H2AC21: variants seen among roughly 807,000 people sequenced by gnomAD.
The protein encoded by H2AC21 is H2A clustered histone 21.
Under a neutral mutation model 7.7 loss-of-function variants are expected in H2AC21, and 3 were observed. The observed-to-expected ratio is 0.39, with a 90% confidence interval of 0.18 to 1.01. The LOEUF (loss-of-function observed/expected upper bound fraction) is 1.01. Among genes scored for constraint, H2AC21 ranks in the 50% least tolerant of loss-of-function variants. The pLI is 0.36. For missense variants in H2AC21, 173 were observed against 177.9 expected (o/e 0.97, Z 0.16); for synonymous variants, 119 against 84.2 (o/e 1.41, Z -2.26).
rs782503721 is a variant in H2AC21, at chr1:149,887,517, C to G, written c.*7G>C. ...GGGGTGAATGAGTATGGTGTCAAGC[C>G]TCTTAATTACTTGTTCTTGCCAGGC... On this transcript the variant is annotated 3_prime_UTR_variant, in exon 1 of 1. Transcript: ENST00000331128. 1 of 1,607,072 alleles carries G rather than the reference C, an allele frequency of 6.2e-7. No individual in the cohort carries two copies. Among genetic ancestry groups the G allele is most frequent in the Non-Finnish European group, 8.5e-7 (1 of 1,175,968 alleles).
In H2AC21 at chr1:149,887,495, G is replaced by T; in HGVS notation, c.*29C>A. ...GGTGGCTCTTAAAAGAGCCTTTGGG[G>T]TGAATGAGTATGGTGTCAAGCCTCT... On this transcript the variant is annotated 3_prime_UTR_variant, in exon 1 of 1. Coordinates refer to ENST00000331128, the MANE Select transcript of H2AC21 (RefSeq NM_175065.3). 2 of 1,588,640 alleles carry T rather than the reference G, an allele frequency of 1.3e-6. No individual in the cohort carries two copies. The highest frequency in any genetic ancestry group is 2.3e-5 in the South Asian group (2 of 87,658).
rs782339698 is a variant in H2AC21 at position 149,887,739 on chromosome 1, TCAGGTACTCGAGGACCGCCGC to T, written c.157_177del (p.Ala53_Leu59del). On this transcript the variant is annotated inframe_deletion, in exon 1 of 1. Coordinates refer to ENST00000331128, the MANE Select transcript of H2AC21 (RefSeq NM_175065.3). ...CCCGCCAGCTCCAGAATTTCCGCGG[TCAGGTACTCGAGGACCGCCGC>T]CAGGTACACCGGGGCGCCTGCCCCG... 1.4e-5 allele frequency: 23 copies of T among 1,614,176 alleles called. No individual in the cohort carries two copies. Among genetic ancestry groups the T allele is most frequent in the African/African-American group, 4.0e-5 (3 of 75,038 alleles).
In H2AC21 at chr1:149,887,927, A is replaced by T. The variant is rs180935690; in HGVS notation, c.-11T>A. On this transcript the variant is annotated 5_prime_UTR_variant, in exon 1 of 1. Coordinates refer to ENST00000331128, the MANE Select transcript of H2AC21 (RefSeq NM_175065.3). ...TCCGCGTCCTGACATTACGGCTAAAATTGCAGTTACAGCTTCTTTTACAAG... is the reference window on the plus strand; with the variant it reads ...TCCGCGTCCTGACATTACGGCTAAATTTGCAGTTACAGCTTCTTTTACAAG... The T allele has an allele frequency of 3.1e-6, 5 of 1,604,712 alleles. No homozygotes were observed. The Admixed American group carries it at 8.6e-5, about 28-fold the overall frequency.
Position 149,887,870 on chromosome 1 carries a change from T to A in H2AC21, c.47A>T (p.Lys16Met). The stretch of plus-strand genomic sequence containing the variant: ...GAGACCAGCGCGGGACGAGCGCGAC[T>A]TGGCCTTAGCGCGGGCCTTGCCTCC... ...KQGGKARAKA[K>M]SRSSRAGLQF... is the part of the protein sequence containing the mutation. The change falls in exon 1 of 1, where the codon AAG becomes ATG. Residue 16 changes from lysine to methionine, a missense_variant. Physicochemically the swap from Lys to Met is moderately conservative, Grantham distance 95. Coordinates refer to ENST00000331128, the MANE Select transcript of H2AC21 (RefSeq NM_175065.3). The A allele has an allele frequency of 6.2e-7, 1 of 1,613,886 alleles. No individual in the cohort carries two copies. The highest frequency in any genetic ancestry group is 1.1e-5 in the South Asian group (1 of 91,032).
At position 149,887,693 on chromosome 1, in the gene H2AC21, T is replaced by C. The variant is rs782165200; in HGVS notation, c.224A>G (p.Lys75Arg). 2.0e-5 allele frequency: 33 copies of C among 1,613,918 alleles called. No homozygotes were observed. Among genetic ancestry groups the C allele is most frequent in the Non-Finnish European group, 1.7e-6 (2 of 1,179,914 alleles). Residue 75 changes from lysine to arginine, a missense_variant, in exon 1 of 1, where the codon AAG becomes AGG. Transcript: ENST00000331128. Reference protein sequence around the residue: ...ELAGNAARDNKKTRIIPRHLQ... With the variant: ...ELAGNAARDNRKTRIIPRHLQ... ...ATGGCGAGGGATGATGCGCGTCTTCTTGTTGTCCCGAGCCGCGTTGCCCGC... is the reference window on the plus strand; with the variant it reads ...ATGGCGAGGGATGATGCGCGTCTTCCTGTTGTCCCGAGCCGCGTTGCCCGC...
At position 149,887,470 on chromosome 1, in the gene H2AC21, G is replaced by T; in HGVS notation, c.*54C>A. The stretch of plus-strand genomic sequence containing the variant: ...TGATCAGCCCTTCATTTGACACTTT[G>T]GTGGCTCTTAAAAGAGCCTTTGGGG... On this transcript the variant is annotated 3_prime_UTR_variant, in exon 1 of 1. Coordinates refer to ENST00000331128, the MANE Select transcript of H2AC21 (RefSeq NM_175065.3). 6.4e-7 allele frequency: 1 copy of T among 1,564,784 alleles called. No individual in the cohort carries two copies. Among genetic ancestry groups the T allele is most frequent in the South Asian group, 1.2e-5 (1 of 82,956 alleles).
Position 149,887,512 on chromosome 1 carries a change from C to G in H2AC21, c.*12G>C, listed in dbSNP as rs371300753. The G allele has an allele frequency of 4.7e-5, 76 of 1,604,842 alleles. No individual in the cohort carries two copies. The African/African-American group carries it at 9.6e-4, about 20-fold the overall frequency. ...CCTTTGGGGTGAATGAGTATGGTGT[C>G]AAGCCTCTTAATTACTTGTTCTTGC... On this transcript the variant is annotated 3_prime_UTR_variant, in exon 1 of 1. Transcript: ENST00000331128.
In H2AC21 at chr1:149,887,761, C is replaced by A; in HGVS notation, c.156G>T (p.Leu52=). The change falls in exon 1 of 1, where the codon CTG becomes CTT. Residue 52 remains leucine, a synonymous_variant. Coordinates refer to ENST00000331128, the MANE Select transcript of H2AC21 (RefSeq NM_175065.3). ...ERVGAGAPVY[L]AAVLEYLTAE... ...CGGTCAGGTACTCGAGGACCGCCGC[C>A]AGGTACACCGGGGCGCCTGCCCCGA... The A allele has an allele frequency of 2.5e-6, 4 of 1,614,198 alleles. No homozygotes were observed. Among genetic ancestry groups the A allele is most frequent in the Non-Finnish European group, 3.4e-6 (4 of 1,180,024 alleles).
At position 149,887,617 on chromosome 1, in the gene H2AC21, A is replaced by C; in HGVS notation, c.300T>G (p.Gly100=). 1 of 1,614,108 alleles carries C rather than the reference A, an allele frequency of 6.2e-7. No individual in the cohort carries two copies. The highest frequency in any genetic ancestry group is 8.5e-7 in the Non-Finnish European group (1 of 1,180,020). Residue 100 remains glycine (G), a synonymous_variant, in exon 1 of 1, where the codon GGT becomes GGG. Coordinates refer to ENST00000331128, the MANE Select transcript of H2AC21 (RefSeq NM_175065.3). The part of the protein sequence containing the change: ...NDEELNKLLG[G]VTIAQGGVLP... ...AGACGCCGCCCTGGGCAATGGTGAC[A>C]CCCCCGAGTAACTTGTTGAGCTCTT...
At position 149,887,883 on chromosome 1, in the gene H2AC21, G is replaced by T; in HGVS notation, c.34C>A (p.Arg12Ser). 1 of 1,613,418 alleles carries T rather than the reference G, an allele frequency of 6.2e-7. No homozygotes were observed. The highest frequency in any genetic ancestry group is 8.5e-7 in the Non-Finnish European group (1 of 1,179,626). ...GACGAGCGCGACTTGGCCTTAGCGC[G>T]GGCCTTGCCTCCCTGCTTTCCGCGT... ...SGRGKQGGKA[R>S]AKAKSRSSRA... Residue 12 changes from arginine to serine, a missense_variant, in exon 1 of 1, where the codon CGC (arginine) becomes AGC (serine). By Grantham distance (110) the Arg-to-Ser change is moderately radical. Coordinates refer to ENST00000331128, the MANE Select transcript of H2AC21 (RefSeq NM_175065.3).
In H2AC21 at chr1:149,887,532, TCTTGC is replaced by T. The variant is rs782054066; in HGVS notation, c.380_384del (p.Gly127GlufsTer?). 2 of 1,611,468 alleles carry T rather than the reference TCTTGC, an allele frequency of 1.2e-6. No homozygotes were observed. The highest frequency in any genetic ancestry group is 8.5e-7 in the Non-Finnish European group (1 of 1,178,400). On this transcript the variant is annotated frameshift_variant, in exon 1 of 1. Coordinates refer to ENST00000331128, the MANE Select transcript of H2AC21 (RefSeq NM_175065.3). LOFTEE classifies it high-confidence loss of function. ...GGTGTCAAGCCTCTTAATTACTTGT[TCTTGC>T]CAGGCTTGTGACTCTCCGTTTTCTT... is the stretch of plus-strand genomic sequence containing the variant.
In H2AC21 at chr1:149,887,951, A is replaced by G. The variant is rs781990248; in HGVS notation, c.-35T>C. The G allele has an allele frequency of 1.3e-6, 2 of 1,584,398 alleles. No individual in the cohort carries two copies. The highest frequency in any genetic ancestry group is 8.6e-7 in the Non-Finnish European group (1 of 1,166,512). ...AATTGCAGTTACAGCTTCTTTTACA[A>G]GGAGAAGAATGTGGAAAGAATAACC... is the stretch of plus-strand genomic sequence containing the variant. On this transcript the variant is annotated 5_prime_UTR_variant, in exon 1 of 1. Transcript: ENST00000331128.
rs1553760150 is a variant in H2AC21, at chr1:149,887,799, A to C, written c.118T>G (p.Tyr40Asp). The change falls in exon 1 of 1, where the codon TAC becomes GAC. Residue 40 changes from tyrosine to aspartate, a missense_variant. Coordinates refer to ENST00000331128, the MANE Select transcript of H2AC21 (RefSeq NM_175065.3). ...GCGCCTGCCCCGACCCGCTCCGCGTAGTTGCCTTTGCGCAGCAAGCGGTGC... is the reference window on the plus strand; with the variant it reads ...GCGCCTGCCCCGACCCGCTCCGCGTCGTTGCCTTTGCGCAGCAAGCGGTGC... Reference protein sequence around the residue: ...RVHRLLRKGNYAERVGAGAPV... With the variant: ...RVHRLLRKGNDAERVGAGAPV... The C allele has an allele frequency of 6.2e-7, 1 of 1,613,918 alleles. No individual in the cohort carries two copies. The highest frequency in any genetic ancestry group is 1.3e-5 in the African/African-American group (1 of 74,946).
Position 149,887,843 on chromosome 1 carries a change from T to G in H2AC21, c.74A>C (p.Gln25Pro), listed in dbSNP as rs781892338. The G allele has an allele frequency of 5.0e-6, 8 of 1,613,998 alleles. 1 individual carries two copies. The South Asian group carries it at 8.8e-5, about 18-fold the overall frequency. ...GCGGTGCACTCGCCCCACCGGGAAC[T>G]GGAGACCAGCGCGGGACGAGCGCGA... Reference protein sequence around the residue: ...AKSRSSRAGLQFPVGRVHRLL... With the variant: ...AKSRSSRAGLPFPVGRVHRLL... The change falls in exon 1 of 1, where the codon CAG (glutamine) becomes CCG (proline). Residue 25 changes from glutamine to proline, a missense_variant. Physicochemically the swap from Gln to Pro is moderately conservative, Grantham distance 76. Transcript: ENST00000331128.
In H2AC21 at chr1:149,887,566, C is replaced by T. The variant is rs1553760062; in HGVS notation, c.351G>A (p.Leu117=). The change falls in exon 1 of 1, where the codon TTG becomes TTA. Residue 117 remains leucine (L), a synonymous_variant. Transcript: ENST00000331128. ...GVLPNIQAVL[L]PKKTESHKPG... ...GCTTGTGACTCTCCGTTTTCTTGGGCAACAGGACAGCCTGGATATTGGGCA... is the reference window on the plus strand; with the variant it reads ...GCTTGTGACTCTCCGTTTTCTTGGGTAACAGGACAGCCTGGATATTGGGCA... 6.2e-7 allele frequency: 1 copy of T among 1,613,818 alleles called. No homozygotes were observed. The highest frequency in any genetic ancestry group is 1.3e-5 in the African/African-American group (1 of 74,998).
Position 149,887,637 on chromosome 1 carries a change from G to C in H2AC21, c.280C>G (p.Leu94Val), listed in dbSNP as rs782190582. ...LQLAVRNDEE[L>V]NKLLGGVTIA... The stretch of plus-strand genomic sequence containing the variant: ...GTGACACCCCCGAGTAACTTGTTGA[G>C]CTCTTCGTCATTCCTCACGGCTAGT... Residue 94 changes from leucine (L) to valine (V), a missense_variant, in exon 1 of 1, where the codon CTC becomes GTC. Coordinates refer to ENST00000331128, the MANE Select transcript of H2AC21 (RefSeq NM_175065.3). The C allele has an allele frequency of 6.2e-7, 1 of 1,614,224 alleles. No individual in the cohort carries two copies. The highest frequency in any genetic ancestry group is 8.5e-7 in the Non-Finnish European group (1 of 1,180,044).
Position 149,887,725 on chromosome 1 carries a change from C to T in H2AC21, c.192G>A (p.Leu64=), listed in dbSNP as rs587707477. 1.2e-6 allele frequency: 2 copies of T among 1,614,240 alleles called. No homozygotes were observed. Among genetic ancestry groups the T allele is most frequent in the East Asian group, 4.5e-5 (2 of 44,870 alleles). Residue 64 remains leucine (L), a synonymous_variant, in exon 1 of 1, where the codon CTG becomes CTA. Coordinates refer to ENST00000331128, the MANE Select transcript of H2AC21 (RefSeq NM_175065.3). ...AVLEYLTAEI[L]ELAGNAARDN... is the part of the protein sequence containing the mutation. ...CCCGAGCCGCGTTGCCCGCCAGCTC[C>T]AGAATTTCCGCGGTCAGGTACTCGA...
chr1:149,887,629 CTTG>C lies in H2AC21; in HGVS notation c.285_287del (p.Asn95del), dbSNP rs781884791. On this transcript the variant is annotated inframe_deletion, in exon 1 of 1. Coordinates refer to ENST00000331128, the MANE Select transcript of H2AC21 (RefSeq NM_175065.3). The stretch of plus-strand genomic sequence containing the variant: ...GGGCAATGGTGACACCCCCGAGTAA[CTTG>C]TTGAGCTCTTCGTCATTCCTCACGG... The C allele has an allele frequency of 9.3e-6, 15 of 1,614,240 alleles. No homozygotes were observed. Among genetic ancestry groups the C allele is most frequent in the East Asian group, 2.2e-5 (1 of 44,866 alleles).
In H2AC21 at chr1:149,887,764, G is replaced by A. The variant is rs782476128; in HGVS notation, c.153C>T (p.Tyr51=). 6.2e-6 allele frequency: 10 copies of A among 1,614,054 alleles called. No homozygotes were observed. The East Asian group carries it at 2.0e-4, about 32-fold the overall frequency. The change falls in exon 1 of 1, where the codon TAC becomes TAT. Residue 51 remains tyrosine (Y), a synonymous_variant. Coordinates refer to ENST00000331128, the MANE Select transcript of H2AC21 (RefSeq NM_175065.3). Reference sequence around the variant, plus strand: ...TCAGGTACTCGAGGACCGCCGCCAGGTACACCGGGGCGCCTGCCCCGACCC... The same window carrying A: ...TCAGGTACTCGAGGACCGCCGCCAGATACACCGGGGCGCCTGCCCCGACCC... ...AERVGAGAPV[Y]LAAVLEYLTA...
Sources: gnomAD v4.1 joint callset for allele counts on GRCh38, gnomAD v4.1.1 for gene constraint, MANE v1.5 for transcripts, NCBI Gene and HGNC (gene_info 2026-07-23, HGNC 2026-07-21) for gene names.